CRB1: variants seen among roughly 807,000 people sequenced by gnomAD.
CRB1 encodes protein crumbs homolog 1.
Under a neutral mutation model 120.0 loss-of-function variants are expected in CRB1, and 83 were observed. The observed-to-expected ratio is 0.69, with a 90% CI of 0.58 to 0.83. The LOEUF is 0.83. Among genes scored for constraint, CRB1 ranks in the 40% least tolerant of loss-of-function variants. CRB1 has a pLI of 0.00. For missense variants in CRB1, 1,699 were observed against 1,687.6 expected, an observed-to-expected ratio of 1.01 and a Z score of -0.12; for synonymous variants, 625 against 612.5, an observed-to-expected ratio of 1.02 and a Z score of -0.30.
chr1:197,435,115 C>T lies in CRB1; in HGVS notation c.3252C>T (p.Asp1084=). ...ATAATACAGATATTTATGTGGGAGACAGAGCTATTGACAATATAAAGGGCC... is the reference window on the plus strand; with the variant it reads ...ATAATACAGATATTTATGTGGGAGATAGAGCTATTGACAATATAAAGGGCC... The part of the protein sequence containing the change: ...LKDNTDIYVG[D]RAIDNIKGLQ... Residue 1084 remains aspartate (D), a synonymous_variant, in exon 9 of 12, where the codon GAC becomes GAT. Coordinates refer to ENST00000367400, the MANE Select transcript of CRB1 (RefSeq NM_201253.3). The T allele has an allele frequency of 6.2e-7, 1 of 1,613,894 alleles. No individual in the cohort carries two copies. The highest frequency in any genetic ancestry group is 8.5e-7 in the Non-Finnish European group (1 of 1,179,888).
intron 1 of CRB1, among the ~76,000 whole-genome samples, chr1:197,288,058 C>A (rs143198490): frequency 6.6e-6 from 1 of 151,734 alleles, no homozygotes; most frequent in African/African-American, 2.4e-5. Context: ...TCATAGAGAG[C>A]CGAGTGTTTG....
intron 2 of CRB1, among the ~76,000 whole-genome samples, chr1:197,339,470 G>A (rs1659334886): frequency 6.6e-6 from 1 of 152,072 alleles, no homozygotes; most frequent in Non-Finnish European, 1.5e-5. Context: ...TATGCATAGA[G>A]GCCTGTTAGG....
intron 1 of CRB1, among the ~76,000 whole-genome samples, chr1:197,300,275 G>GCTGAAA (rs1246981814): frequency 4.6e-5 from 7 of 151,898 alleles, no homozygotes; most frequent in Admixed American, 4.6e-4. Flanking sequence ...ACTAAGATAG[G>GCTGAAA]CTGAAACTAA....
chr1:197,435,138 G>A lies in CRB1; in HGVS notation c.3275G>A (p.Gly1092Asp), dbSNP rs996284286. 6.2e-7 allele frequency: 1 copy of A among 1,613,858 alleles called. No homozygotes were observed. The highest frequency in any genetic ancestry group is 1.3e-5 in the African/African-American group (1 of 75,018). ...VGDRAIDNIKGLQGCLSTIEI... is the reference protein window; with the variant it reads ...VGDRAIDNIKDLQGCLSTIEI... ...GACAGAGCTATTGACAATATAAAGG[G>A]CCTGCAAGGGTGTCTAAGTACAATA... The change falls in exon 9 of 12, where the codon GGC (glycine) becomes GAC (aspartate). Residue 1092 changes from glycine (G) to aspartate (D), a missense_variant. By Grantham distance (94) the Gly-to-Asp change is moderately conservative. Coordinates refer to ENST00000367400, the MANE Select transcript of CRB1 (RefSeq NM_201253.3).
chr1:197,432,211 A>G (rs1664901520), intron 8 of CRB1, among the ~76,000 whole-genome samples: 1 of 152,170 alleles, frequency 6.6e-6, no homozygotes, highest in African/African-American at 2.4e-5. Flanking sequence ...GTTAGTAAAT[A>G]TATTTATATA....
chr1:197,473,868 C>A (rs1667090508), intron 11 of CRB1, among the ~76,000 whole-genome samples: 1 of 151,912 alleles, frequency 6.6e-6, no homozygotes, highest in Non-Finnish European at 1.5e-5. Context: ...AAAAAAAAGC[C>A]TTTCAACCAT....
At chr1:197,449,352 T>C (rs920711763) in intron 11 of CRB1, among the ~76,000 whole-genome samples, 12 of 151,922 alleles carry the variant, frequency 7.9e-5, no homozygotes, top group African/African-American at 2.9e-4. Context: ...TTCAGAAAAA[T>C]ATTATTATTA....
At chr1:197,425,512 A>T (rs1264489719) in intron 6 of CRB1, among the ~76,000 whole-genome samples, 2 of 152,204 alleles carry the variant, frequency 1.3e-5, no homozygotes, top group Non-Finnish European at 2.9e-5. Context: ...TTTTCTGGTT[A>T]GTACTGGGAT....
chr1:197,254,888 A>G, the CRB1 span, among the ~76,000 whole-genome samples: 2 of 152,112 alleles, frequency 1.3e-5, no homozygotes. Flanking sequence ...CACATTTTTA[A>G]TGAAGTCAGT....
intron 11 of CRB1, among the ~76,000 whole-genome samples, chr1:197,469,718 G>A (rs1056910397): frequency 6.6e-6 from 1 of 152,110 alleles, no homozygotes; most frequent in Non-Finnish European, 1.5e-5. Flanking sequence ...TTCACCTAAC[G>A]GAAACAAAAA....
chr1:197,425,259 T>G (rs1168333496), intron 6 of CRB1, among the ~76,000 whole-genome samples: 1 of 152,218 alleles, frequency 6.6e-6, no homozygotes, highest in African/African-American at 2.4e-5. Context: ...AGTACACTTT[T>G]GAAAGCTACC....
intron 2 of CRB1, among the ~76,000 whole-genome samples, chr1:197,343,337 T>A (rs1299109396): frequency 6.6e-6 from 1 of 152,194 alleles, no homozygotes; most frequent in African/African-American, 2.4e-5. Context: ...AAAACCTGTA[T>A]GCAAATGCAA....
chr1:197,224,734 A>C, the CRB1 span, among the ~76,000 whole-genome samples: 1 of 152,090 alleles, frequency 6.6e-6, no homozygotes, highest in Non-Finnish European at 1.5e-5. Context: ...CCTACTTATA[A>C]TATTATTAAG....
At chr1:197,221,419 C>T in the CRB1 span, among the ~76,000 whole-genome samples, 1 of 152,188 alleles carries the variant, frequency 6.6e-6, no homozygotes, top group Non-Finnish European at 1.5e-5. Context: ...CATACCTCAT[C>T]ACATTCTGTT....
At chr1:197,242,142 T>G in the CRB1 span, among the ~76,000 whole-genome samples, 1 of 152,156 alleles carries the variant, frequency 6.6e-6, no homozygotes, top group African/African-American at 2.4e-5. Flanking sequence ...CAGAGACAAT[T>G]TGACTTCCTC....
chr1:197,215,040 A>C, the CRB1 span, among the ~76,000 whole-genome samples: 10 of 152,348 alleles, frequency 6.6e-5, no homozygotes, highest in East Asian at 1.9e-3. Context: ...TCAACATAAA[A>C]GTGACACATT....
chr1:197,440,156 A>G (rs1258038119), intron 10 of CRB1: 1 of 152,126 alleles, frequency 6.6e-6, no homozygotes, highest in African/African-American at 2.4e-5. Flanking sequence ...GAGTAATCCA[A>G]CTATTGTCAA....
chr1:197,318,225 C>T (rs542413671), intron 1 of CRB1, among the ~76,000 whole-genome samples: 6 of 152,010 alleles, frequency 3.9e-5, no homozygotes, highest in African/African-American at 9.7e-5. Flanking sequence ...AAATGGCCAA[C>T]AGATAAATGA....
intron 6 of CRB1, among the ~76,000 whole-genome samples, chr1:197,424,673 C>T (rs1047050550): frequency 5.3e-5 from 8 of 152,104 alleles, no homozygotes; most frequent in South Asian, 4.1e-4. Flanking sequence ...TTCGTGATTG[C>T]GTCACTTTGT....
Sources: gnomAD v4.1 joint callset for allele counts (sites outside exome capture counted in the v4.1 genomes callset) on GRCh38, gnomAD v4.1.1 for gene constraint, MANE v1.5 for transcripts, NCBI Gene and HGNC (gene_info 2026-07-23, HGNC 2026-07-21) for gene names.